PLCH1: variants seen among roughly 807,000 people sequenced by gnomAD.
PLCH1 encodes the protein 1-phosphatidylinositol 4,5-bisphosphate phosphodiesterase eta-1.
A neutral mutation model predicts 126.7 loss-of-function variants in PLCH1; 60 were observed. That is an observed-to-expected ratio of 0.47 (90% CI 0.38 to 0.59). PLCH1 has a LOEUF of 0.59. Among genes scored for constraint, PLCH1 ranks in the 20% least tolerant of loss-of-function variants. The pLI, the probability that PLCH1 is intolerant of heterozygous loss-of-function variation, is 0.00. For missense variants in PLCH1, 1,723 were observed against 2,040.0 expected, an observed-to-expected ratio of 0.84 and a Z score of 2.99; for synonymous variants, 719 against 734.9, an observed-to-expected ratio of 0.98 and a Z score of 0.35.
At chr3:155,586,632 G>T (rs559652136) in intron 4 of PLCH1, among the ~76,000 whole-genome samples, 1 of 152,204 alleles carries the variant, frequency 6.6e-6, no homozygotes, top group South Asian at 2.1e-4. Flanking sequence ...GCTTGAACCC[G>T]GGAGGTGGAG....
intron 21 of PLCH1, among the ~76,000 whole-genome samples, chr3:155,470,900 C>G (rs1285190720): frequency 6.6e-6 from 1 of 151,940 alleles, no homozygotes; most frequent in African/African-American, 2.4e-5. Context: ...ACCACCAGGC[C>G]TGCCCTAAAA....
chr3:155,691,135 T>C (rs1745349290), intron 2 of PLCH1, among the ~76,000 whole-genome samples: 1 of 152,192 alleles, frequency 6.6e-6, no homozygotes, highest in Non-Finnish European at 1.5e-5. Context: ...TGTGTCACAA[T>C]AGTGGAAAAA....
At chr3:155,530,819 T>C (rs978201147) in intron 10 of PLCH1, among the ~76,000 whole-genome samples, 1 of 152,242 alleles carries the variant, frequency 6.6e-6, no homozygotes, top group Non-Finnish European at 1.5e-5. Context: ...GAATCACTAT[T>C]TATGGCAGTT....
At chr3:155,624,453 T>C (rs1183206947) in intron 2 of PLCH1, among the ~76,000 whole-genome samples, 1 of 151,952 alleles carries the variant, frequency 6.6e-6, no homozygotes, top group Non-Finnish European at 1.5e-5. Flanking sequence ...AAAGAGGGAG[T>C]CAAATTGTCT....
chr3:155,703,762 TG>T (rs1746447573), intron 2 of PLCH1, among the ~76,000 whole-genome samples: 1 of 152,224 alleles, frequency 6.6e-6, no homozygotes, highest in East Asian at 1.9e-4. Flanking sequence ...TGGAAGGCCA[TG>T]CTATGCTGGT....
intron 16 of PLCH1, 39 bp from the exon 17 acceptor site, chr3:155,494,287 G>A: frequency 1.9e-6 from 3 of 1,609,558 alleles, no homozygotes; most frequent in South Asian, 2.2e-5. Flanking sequence ...AGGCAAGATG[G>A]TGGCATAGTG....
intron 10 of PLCH1, among the ~76,000 whole-genome samples, chr3:155,544,881 C>A (rs980065642): frequency 6.6e-6 from 1 of 150,894 alleles, no homozygotes. Flanking sequence ...GGGACACATT[C>A]AAAGCAGTGT....
Position 155,726,878 on chromosome 3 carries a change from CT to C in PLCH1, c.-41+17961del, listed in dbSNP as rs201977097. On this transcript the variant is annotated intron_variant, in intron 1 of 22. Coordinates refer to ENST00000460012, the MANE Select transcript of PLCH1 (RefSeq NM_014996.4). ...ACCCGGCTAATTTTTTTTCTTTTTT[CT>C]TTTTTTTTTTTTTTGTATTTTTAGT... 6.6e-3 allele frequency among the ~76,000 whole-genome samples: 882 copies of C among 133,078 alleles called. 6 individuals are homozygous for C. The highest frequency in any genetic ancestry group is 0.019 in the African/African-American group (679 of 36,330). 87.3% of individuals were successfully genotyped at this position (133,078 alleles called of 152,430 possible).
intron 2 of PLCH1, among the ~76,000 whole-genome samples, chr3:155,623,396 A>C (rs2108780140): frequency 6.6e-6 from 1 of 152,308 alleles, no homozygotes; most frequent in South Asian, 2.1e-4. Flanking sequence ...GACAAGAAAT[A>C]ACTAAGATTA....
chr3:155,602,148 T>C (rs976834217), intron 2 of PLCH1, among the ~76,000 whole-genome samples: 3 of 152,136 alleles, frequency 2.0e-5, no homozygotes, highest in Non-Finnish European at 4.4e-5. Context: ...GTGTAAAAGA[T>C]AATGAGGAAG....
At chr3:155,693,605 G>GA (rs371445611) in intron 2 of PLCH1, among the ~76,000 whole-genome samples, 1 of 151,804 alleles carries the variant, frequency 6.6e-6, no homozygotes, top group Admixed American at 6.6e-5. Flanking sequence ...GCTATCATCA[G>GA]AAAAAATAAA....
chr3:155,632,889 C>G (rs960169591), intron 2 of PLCH1, among the ~76,000 whole-genome samples: 5 of 152,176 alleles, frequency 3.3e-5, no homozygotes, highest in Non-Finnish European at 7.3e-5. Flanking sequence ...CTATGCTGAT[C>G]TCCAAAGCCT....
In PLCH1 at chr3:155,533,627, G is replaced by A. The variant is rs1056638078; in HGVS notation, c.1363-9623C>T. 4.6e-5 allele frequency among the ~76,000 whole-genome samples: 7 copies of A among 152,356 alleles called. No individual in the cohort carries two copies. The South Asian group carries it at 1.0e-3, about 23-fold the overall frequency. On this transcript the variant is annotated intron_variant, in intron 10 of 22. Coordinates refer to ENST00000460012, the MANE Select transcript of PLCH1 (RefSeq NM_014996.4). The stretch of plus-strand genomic sequence containing the variant: ...CTGCAGAAATTTGCATAAGTAAAAT[G>A]GAGCTGAATGTTAGTCACCAAGACA...
intron 1 of PLCH1, among the ~76,000 whole-genome samples, chr3:155,704,806 G>T (rs996403884): frequency 6.6e-6 from 1 of 152,174 alleles, no homozygotes; most frequent in Non-Finnish European, 1.5e-5. Flanking sequence ...CTAGGGCCTG[G>T]ATCTGCCCAG....
chr3:155,578,016 C>A (rs181649318), intron 6 of PLCH1, among the ~76,000 whole-genome samples: 2 of 152,284 alleles, frequency 1.3e-5, no homozygotes, highest in East Asian at 1.9e-4. Context: ...GGCTCAGAAA[C>A]AATCATGATT....
chr3:155,642,998 G>T (rs554199894), intron 2 of PLCH1, among the ~76,000 whole-genome samples: 1 of 152,240 alleles, frequency 6.6e-6, no homozygotes, highest in East Asian at 1.9e-4. Context: ...CACCAGGCTG[G>T]AGTGTAGTGG....
chr3:155,736,509 T>G (rs576290885), intron 1 of PLCH1, among the ~76,000 whole-genome samples: 3 of 152,318 alleles, frequency 2.0e-5, no homozygotes, highest in African/African-American at 7.2e-5. Context: ...CTTTCCAGCC[T>G]TCACTCCATA....
chr3:155,616,392 G>A (rs1375411686), intron 2 of PLCH1, among the ~76,000 whole-genome samples: 8 of 152,100 alleles, frequency 5.3e-5, no homozygotes, highest in Non-Finnish European at 1.5e-5. Flanking sequence ...AATTAAAATG[G>A]CATCATTTAG....
At chr3:155,576,194 T>C (rs1729923576) in intron 6 of PLCH1, among the ~76,000 whole-genome samples, 1 of 152,024 alleles carries the variant, frequency 6.6e-6, no homozygotes, top group Admixed American at 6.6e-5. Flanking sequence ...AGGTGGTTGT[T>C]TGGCAAATAT....
Sources: gnomAD v4.1 joint callset for allele counts (sites outside exome capture counted in the v4.1 genomes callset) on GRCh38, gnomAD v4.1.1 for gene constraint, MANE v1.5 for transcripts, NCBI Gene and HGNC (gene_info 2026-07-23, HGNC 2026-07-21) for gene names.